The following SCRG1 variants were observed in gnomAD, a reference collection of about 807,000 sequenced individuals.
SCRG1 encodes the protein scrapie-responsive protein 1.
SCRG1 carries 3 observed loss-of-function variants against 7.7 expected under a neutral mutation model. The ratio of observed to expected loss-of-function variants is 0.39; its 90% CI spans 0.18 to 1.01. SCRG1 has a LOEUF of 1.01. SCRG1 is among the 50% of genes least tolerant of loss of function. SCRG1 has a pLI of 0.36. For synonymous variants in SCRG1, 46 were observed against 41.2 expected (o/e 1.12, Z -0.44); for missense variants, 110 against 117.2 (o/e 0.94, Z 0.28).
chr4:173,434,077 C>A, the SCRG1 span, among the ~76,000 whole-genome samples: 5 of 152,142 alleles, frequency 3.3e-5, no homozygotes, highest in Non-Finnish European at 5.9e-5. Flanking sequence ...TCGACCGGAC[C>A]TCGATGGAAA....
chr4:173,501,041 G>A, the SCRG1 span, among the ~76,000 whole-genome samples: 3 of 152,196 alleles, frequency 2.0e-5, no homozygotes, highest in Non-Finnish European at 2.9e-5. This position sits in a 1 kb window ranked among gnomAD's most constrained non-coding sequence, Gnocchi z 5.1. Flanking sequence ...GGGCAAGAGC[G>A]GGGTGCAAAT....
the SCRG1 span, among the ~76,000 whole-genome samples, chr4:173,441,367 C>A: frequency 1.3e-5 from 2 of 152,162 alleles, no homozygotes; most frequent in African/African-American, 2.4e-5. Context: ...GGCGATCCTA[C>A]TGTAGTCTCA....
chr4:173,416,157 C>A, the SCRG1 span, among the ~76,000 whole-genome samples: 1 of 152,222 alleles, frequency 6.6e-6, no homozygotes, highest in Non-Finnish European at 1.5e-5. Flanking sequence ...GAGGCCCTAA[C>A]GTTTTCCTAG....
the SCRG1 span, among the ~76,000 whole-genome samples, chr4:173,506,164 C>G: frequency 1.3e-5 from 2 of 152,322 alleles, no homozygotes; most frequent in East Asian, 1.9e-4. This position sits in a 1 kb window ranked among gnomAD's most constrained non-coding sequence, Gnocchi z 5.3. Flanking sequence ...TGGTAGGACT[C>G]TGGACTCCTC....
the SCRG1 span, among the ~76,000 whole-genome samples, chr4:173,480,837 A>C: frequency 1.1e-4 from 16 of 152,252 alleles, no homozygotes; most frequent in South Asian, 3.3e-3. Flanking sequence ...ACAAAAAAAC[A>C]GATGAAGCAA....
chr4:173,468,359 A>T, the SCRG1 span: 1 of 152,148 alleles, frequency 6.6e-6, no homozygotes, highest in Non-Finnish European at 1.5e-5. Context: ...GGTACAGTGA[A>T]CTATACCACC....
At chr4:173,498,493 A>C in the SCRG1 span, among the ~76,000 whole-genome samples, 3 of 152,306 alleles carry the variant, frequency 2.0e-5, no homozygotes, top group African/African-American at 7.2e-5. Context: ...CAGCATACTC[A>C]TCTGTGAGAT....
the SCRG1 span, among the ~76,000 whole-genome samples, chr4:173,476,363 A>AAATATATATATATATATAT: frequency 8.1e-5 from 8 of 98,504 alleles, no homozygotes; most frequent in South Asian, 1.0e-3. Context: ...GGAAAAAAAA[A>AAATATATATATATATATAT]ATATATATAT....
intron 1 of SCRG1, among the ~76,000 whole-genome samples, chr4:173,405,806 C>G (rs1467397061): frequency 1.3e-5 from 2 of 152,132 alleles, no homozygotes; most frequent in African/African-American, 4.8e-5. Context: ...CTTTCTGGCA[C>G]TAAAAGATTG....
intron 1 of SCRG1, among the ~76,000 whole-genome samples, chr4:173,391,913 C>T (rs1739460211): frequency 6.6e-6 from 1 of 152,188 alleles, no homozygotes; most frequent in South Asian, 2.1e-4. Context: ...TTGACACACA[C>T]ACACACACAG....
At chr4:173,399,172 C>G (rs558809344), upstream of SCRG1, 2 of 152,350 alleles carry the variant, frequency 1.3e-5, no homozygotes, top group South Asian at 4.1e-4. Context: ...CTGGAAGGAG[C>G]TTCTTTACAA....
chr4:173,436,255 GAA>G, the SCRG1 span, among the ~76,000 whole-genome samples: 1 of 152,122 alleles, frequency 6.6e-6, no homozygotes, highest in Non-Finnish European at 1.5e-5. Flanking sequence ...TTGTTGGCAG[GAA>G]AAGTCCTCAG....
chr4:173,485,129 C>T, the SCRG1 span, among the ~76,000 whole-genome samples: 11 of 4,200 alleles, frequency 2.6e-3, no homozygotes, highest in Non-Finnish European at 4.1e-3. Flanking sequence ...TATAATATAT[C>T]ATATATATTA....
the SCRG1 span, among the ~76,000 whole-genome samples, chr4:173,519,139 G>A: frequency 6.9e-6 from 1 of 145,514 alleles, no homozygotes; most frequent in Non-Finnish European, 1.5e-5. Context: ...AAAAAATAGA[G>A]GAAGGAATAA....
the SCRG1 span, chr4:173,419,656 G>C: frequency 2.7e-6 from 2 of 753,508 alleles, no homozygotes; most frequent in Middle Eastern, 2.9e-4. Context: ...TACTGTGAGG[G>C]TTAGACAAAC....
At position 173,385,150 on chromosome 4, in the gene SCRG1, T is replaced by G. The variant is rs1379696565; in HGVS notation, c.*3191A>C. The G allele has an allele frequency of 6.6e-6, 1 of 152,162 alleles. No individual in the cohort carries two copies. The highest frequency in any genetic ancestry group is 1.5e-5 in the Non-Finnish European group (1 of 68,002). The allele number at this position is 152,162 out of a possible 1,614,324, so 9.4% of individuals were successfully genotyped here. ...TGCAAGATGGTGTTTAGAAGAATAA[T>G]AAAATTTTAATAAAAGCTTAGTTGT... On this transcript the variant is annotated 3_prime_UTR_variant, in exon 3 of 3. Coordinates refer to ENST00000296506, the MANE Select transcript of SCRG1 (RefSeq NM_007281.4).
chr4:173,427,230 T>G, the SCRG1 span, among the ~76,000 whole-genome samples: 1 of 152,244 alleles, frequency 6.6e-6, no homozygotes, highest in Non-Finnish European at 1.5e-5. Context: ...ATCACTGGTA[T>G]GTATTTCTGC....
At chr4:173,434,839 T>C in the SCRG1 span, among the ~76,000 whole-genome samples, 1 of 151,928 alleles carries the variant, frequency 6.6e-6, no homozygotes, top group African/African-American at 2.4e-5. Flanking sequence ...TCTAAATAAA[T>C]AAATAAATAT....
chr4:173,466,926 A>C, the SCRG1 span, among the ~76,000 whole-genome samples: 11 of 152,276 alleles, frequency 7.2e-5, no homozygotes, highest in East Asian at 2.1e-3. Flanking sequence ...CACCTTGCTC[A>C]TGAGTGTCCA....
Sources: gnomAD v4.1 joint callset for allele counts (sites outside exome capture counted in the v4.1 genomes callset) on GRCh38, gnomAD v4.1.1 for gene constraint, Gnocchi (gnomAD v3.1) non-coding constraint, MANE v1.5 for transcripts, NCBI Gene and HGNC (gene_info 2026-07-23, HGNC 2026-07-21) for gene names.